GALNT7: variants seen among roughly 807,000 people sequenced by gnomAD.
GALNT7 encodes the protein polypeptide N-acetylgalactosaminyltransferase 7.
Under a neutral mutation model 82.1 loss-of-function variants are expected in GALNT7, and 60 were observed. That is an observed-to-expected ratio of 0.73 (90% CI 0.59 to 0.91). The LOEUF (loss-of-function observed/expected upper bound fraction) is 0.91. GALNT7 is among the 40% of genes least tolerant of loss of function. GALNT7 has a pLI of 0.00. For synonymous variants in GALNT7, 243 were observed against 275.1 expected, an observed-to-expected ratio of 0.88 and a Z score of 1.15; for missense variants, 660 against 804.2, an observed-to-expected ratio of 0.82 and a Z score of 2.17.
intron 1 of GALNT7, among the ~76,000 whole-genome samples, chr4:173,200,696 T>C (rs1732918340): frequency 6.6e-6 from 1 of 152,208 alleles, no homozygotes; most frequent in African/African-American, 2.4e-5. Context: ...GAATGTGTCA[T>C]CATAAAGAAT....
intron 5 of GALNT7, among the ~76,000 whole-genome samples, chr4:173,297,334 T>C (rs1417719743): frequency 6.6e-6 from 1 of 152,140 alleles, no homozygotes; most frequent in Admixed American, 6.5e-5. Flanking sequence ...TTCATAACTG[T>C]TCCCAAGAAA....
At chr4:173,294,443 C>A (rs1007092048) in intron 3 of GALNT7, among the ~76,000 whole-genome samples, 7 of 151,740 alleles carry the variant, frequency 4.6e-5, no homozygotes, top group African/African-American at 1.7e-4. Context: ...TAATAAATGC[C>A]CTAAAATGAG....
intron 1 of GALNT7, among the ~76,000 whole-genome samples, chr4:173,200,225 C>T (rs922703260): frequency 3.3e-4 from 50 of 152,154 alleles, no homozygotes; most frequent in African/African-American, 1.2e-3. Flanking sequence ...GAAAGTCAGT[C>T]ACCTTTTGCA....
intron 2 of GALNT7, among the ~76,000 whole-genome samples, chr4:173,285,591 T>C (rs1380727869): frequency 6.6e-6 from 1 of 152,276 alleles, no homozygotes; most frequent in Non-Finnish European, 1.5e-5. Context: ...TCATATGAAC[T>C]GAAAGGTACC....
intron 8 of GALNT7, among the ~76,000 whole-genome samples, chr4:173,312,637 G>T (rs1008328089): frequency 2.0e-5 from 3 of 152,212 alleles, no homozygotes; most frequent in African/African-American, 7.2e-5. Flanking sequence ...TCACTCAAGT[G>T]TGTACCAATT....
chr4:173,301,411 T>TC, intron 6 of GALNT7, among the ~76,000 whole-genome samples: 1 of 152,274 alleles, frequency 6.6e-6, no homozygotes, highest in East Asian at 1.9e-4. Context: ...CTAAAAAGTG[T>TC]CCAATTTAAG....
intron 2 of GALNT7, among the ~76,000 whole-genome samples, chr4:173,280,067 A>G (rs1489896699): frequency 2.6e-5 from 4 of 152,164 alleles, no homozygotes; most frequent in African/African-American, 9.7e-5. Context: ...TCCTGGTTAT[A>G]TTTACTTCAG....
chr4:173,298,269 C>CT lies in GALNT7; in HGVS notation c.1121dup (p.Arg375GlufsTer6). ...GCCTCTGACCCCTCAAGAGAAGAGA[C>CT]TGAGAAAGACAAAAACTGAACCGTA... On this transcript the variant is annotated frameshift_variant, in exon 6 of 12. Transcript: ENST00000265000. LOFTEE classifies it high-confidence loss of function. 1 of 1,577,886 alleles carries CT rather than the reference C, an allele frequency of 6.3e-7. No individual in the cohort carries two copies.
intron 1 of GALNT7, among the ~76,000 whole-genome samples, chr4:173,218,464 A>G (rs1429348015): frequency 1.3e-5 from 1 of 74,890 alleles, no homozygotes; most frequent in East Asian, 6.2e-4. Flanking sequence ...CTCCCTCAAT[A>G]TTTTGTTTCC....
chr4:173,190,034 A>AT (rs978532197), intron 1 of GALNT7, among the ~76,000 whole-genome samples: 2 of 152,176 alleles, frequency 1.3e-5, no homozygotes, highest in African/African-American at 4.8e-5. Flanking sequence ...CAAACTGATA[A>AT]TGGCAAAATA....
chr4:173,178,245 A>G (rs898896957), intron 1 of GALNT7, among the ~76,000 whole-genome samples: 1 of 152,148 alleles, frequency 6.6e-6, no homozygotes, highest in African/African-American at 2.4e-5. Flanking sequence ...TATTCTGAGA[A>G]CATGAGGCAA....
chr4:173,303,827 G>C (rs1009295399), intron 7 of GALNT7, among the ~76,000 whole-genome samples, 169 bp from the exon 8 acceptor site: 1 of 152,188 alleles, frequency 6.6e-6, no homozygotes, highest in African/African-American at 2.4e-5. Context: ...CTTCTTGGTT[G>C]TTACATGAGC....
At chr4:173,215,323 T>G (rs1379852403) in intron 1 of GALNT7, among the ~76,000 whole-genome samples, 2 of 149,254 alleles carry the variant, frequency 1.3e-5, no homozygotes, top group Admixed American at 6.7e-5. Flanking sequence ...ATCCGTCTCC[T>G]GGATTCAAGC....
rs118168706 is a variant in GALNT7 at position 173,316,574 on chromosome 4, T to C, written c.1609-1060T>C. ...CCCATTACTGGGGTAGGTGTCTTTATTTTGTTCACTAGTGTTTCAGAGCCT... is the reference window on the plus strand; with the variant it reads ...CCCATTACTGGGGTAGGTGTCTTTACTTTGTTCACTAGTGTTTCAGAGCCT... On this transcript the variant is annotated intron_variant, in intron 9 of 11. Coordinates refer to ENST00000265000, the MANE Select transcript of GALNT7 (RefSeq NM_017423.3). 2.6e-5 allele frequency: 4 copies of C among 152,362 alleles called. No homozygotes were observed. The East Asian group carries it at 7.7e-4, about 29-fold the overall frequency. 9.4% of individuals were successfully genotyped at this position (152,362 alleles called of 1,614,324 possible). A position where few individuals can be genotyped will look rare whatever the true frequency, so the allele number is the denominator to read the frequency against.
chr4:173,241,360 GA>G (rs899265661), intron 1 of GALNT7, among the ~76,000 whole-genome samples: 4 of 152,078 alleles, frequency 2.6e-5, no homozygotes, highest in Non-Finnish European at 4.4e-5. Flanking sequence ...AAAACTGGGG[GA>G]AAAGAGCCCA....
At chr4:173,255,807 C>A (rs1001749674) in intron 2 of GALNT7, among the ~76,000 whole-genome samples, 2 of 152,190 alleles carry the variant, frequency 1.3e-5, no homozygotes, top group African/African-American at 4.8e-5. Flanking sequence ...CCCAGACATG[C>A]TAGAGTGCAG....
At chr4:173,242,990 A>C (rs1172269461) in intron 1 of GALNT7, among the ~76,000 whole-genome samples, 2 of 152,206 alleles carry the variant, frequency 1.3e-5, no homozygotes, top group Non-Finnish European at 2.9e-5. Flanking sequence ...TGGCTCATGA[A>C]GCATGATAAC....
chr4:173,173,693 A>G (rs1731951385), intron 1 of GALNT7, among the ~76,000 whole-genome samples: 2 of 152,188 alleles, frequency 1.3e-5, no homozygotes, highest in Non-Finnish European at 2.9e-5. Flanking sequence ...CCTGCATTAA[A>G]ACATTCAGTA....
intron 1 of GALNT7, among the ~76,000 whole-genome samples, chr4:173,196,210 C>T (rs1732770802): frequency 1.3e-5 from 2 of 151,998 alleles, no homozygotes; most frequent in African/African-American, 4.8e-5. Flanking sequence ...CTGCAACCTC[C>T]ACCTCCTAGG....
Sources: gnomAD v4.1 joint callset for allele counts (sites outside exome capture counted in the v4.1 genomes callset) on GRCh38, gnomAD v4.1.1 for gene constraint, MANE v1.5 for transcripts, NCBI Gene and HGNC (gene_info 2026-07-23, HGNC 2026-07-21) for gene names.